Variants in APBB2 observed in about 807,000 individuals in gnomAD.
APBB2 encodes the protein amyloid beta precursor protein binding family B member 2.
A neutral mutation model predicts 82.5 loss-of-function variants in APBB2; 38 were observed. That is an observed-to-expected ratio of 0.46 (90% CI 0.36 to 0.60). The LOEUF (loss-of-function observed/expected upper bound fraction) is 0.60, where lower values mean the gene tolerates loss of function less well. Ranked by LOEUF, APBB2 falls within the 20% of genes least tolerant of loss-of-function variation. The pLI, the probability that APBB2 is intolerant of heterozygous loss-of-function variation, is 0.00. For synonymous variants in APBB2, 341 were observed against 368.2 expected (o/e 0.93, Z 0.85); for missense variants, 772 against 972.3 (o/e 0.79, Z 2.74).
chr4:40,830,280 T>C (rs1577749718), intron 13 of APBB2, among the ~76,000 whole-genome samples, 183 bp downstream of exon 13: 2 of 148,354 alleles, frequency 1.3e-5, no homozygotes, highest in East Asian at 2.0e-4. Context: ...GTAGATGGAG[T>C]GCTACTCAAG....
chr4:40,865,451 AAAAATAAG>A (rs1763828792), intron 12 of APBB2, among the ~76,000 whole-genome samples: 1 of 152,222 alleles, frequency 6.6e-6, no homozygotes, highest in Admixed American at 6.5e-5. Flanking sequence ...GAAGTTCTTT[AAAAATAAG>A]TAAGAATTTT....
At chr4:40,846,859 G>T (rs1210608820) in intron 12 of APBB2, among the ~76,000 whole-genome samples, 1 of 151,968 alleles carries the variant, frequency 6.6e-6, no homozygotes, top group Non-Finnish European at 1.5e-5. Context: ...CAGGAAACGA[G>T]TATTTTTAAA....
intron 6 of APBB2, among the ~76,000 whole-genome samples, chr4:40,991,199 T>A (rs1801996292): frequency 2.3e-5 from 1 of 43,480 alleles, no homozygotes; most frequent in Non-Finnish European, 5.8e-5. Context: ...TTTTTTTTTG[T>A]AGAAATGAGA....
intron 10 of APBB2, among the ~76,000 whole-genome samples, chr4:40,909,366 C>A (rs536003959): frequency 1.4e-4 from 21 of 152,298 alleles, no homozygotes; most frequent in Admixed American, 1.4e-3. Flanking sequence ...CTGCAGGAAA[C>A]CCACTCCAGT....
At chr4:40,819,615 A>AAAAAT (rs891201552) in intron 17 of APBB2, among the ~76,000 whole-genome samples, 4 of 152,150 alleles carry the variant, frequency 2.6e-5, no homozygotes, top group Non-Finnish European at 4.4e-5. Context: ...ATCTCTTAAA[A>AAAAAT]AAAATAAAAT....
intron 12 of APBB2, chr4:40,879,854 G>T: frequency 9.1e-6 from 2 of 220,590 alleles, no homozygotes; most frequent in Non-Finnish European, 1.5e-5. Flanking sequence ...AACACACCCA[G>T]CTGATTTTTG....
At chr4:41,154,850 A>G (rs999448711) in intron 1 of APBB2, among the ~76,000 whole-genome samples, 7 of 152,180 alleles carry the variant, frequency 4.6e-5, no homozygotes, top group Non-Finnish European at 7.3e-5. Context: ...ATCAACATCT[A>G]TGTTTCTCCT....
chr4:40,877,472 T>C, intron 12 of APBB2, among the ~76,000 whole-genome samples: 1 of 152,154 alleles, frequency 6.6e-6, no homozygotes, highest in Non-Finnish European at 1.5e-5. Context: ...GCAGGTCATG[T>C]AGGGGTGGGG....
intron 3 of APBB2, among the ~76,000 whole-genome samples, chr4:41,092,040 T>C (rs1484606087): frequency 6.6e-6 from 1 of 152,224 alleles, no homozygotes; most frequent in African/African-American, 2.4e-5. Flanking sequence ...TAAATTGCCA[T>C]TCTCTTCTAT....
intron 1 of APBB2, among the ~76,000 whole-genome samples, chr4:41,187,344 TAA>T (rs1308443897): frequency 2.6e-5 from 4 of 152,194 alleles, no homozygotes; most frequent in Non-Finnish European, 4.4e-5. Context: ...TGAAAAAAGA[TAA>T]GAGTCTTTTA....
intron 2 of APBB2, among the ~76,000 whole-genome samples, chr4:41,101,731 G>A (rs1023262527): frequency 7.2e-5 from 11 of 151,938 alleles, no homozygotes; most frequent in Admixed American, 2.6e-4. Context: ...AGGCCCAGGC[G>A]GGCGGATCAC....
chr4:41,095,190 C>G (rs1743095250), intron 3 of APBB2, among the ~76,000 whole-genome samples: 1 of 152,162 alleles, frequency 6.6e-6, no homozygotes, highest in African/African-American at 2.4e-5. Context: ...TTTTACCTGC[C>G]AGGGGCTCAG....
At chr4:41,117,486 T>C (rs897188810) in intron 2 of APBB2, among the ~76,000 whole-genome samples, 4 of 151,816 alleles carry the variant, frequency 2.6e-5, no homozygotes, top group Non-Finnish European at 4.4e-5. Context: ...AAAGATGGGG[T>C]TTCACCATCT....
chr4:41,008,037 G>A (rs1807270870), intron 6 of APBB2, among the ~76,000 whole-genome samples: 1 of 152,210 alleles, frequency 6.6e-6, no homozygotes, highest in South Asian at 2.1e-4. Context: ...CTAAACCTCA[G>A]TTGCTTAGAG....
At chr4:41,141,567 T>C (rs977875843) in intron 2 of APBB2, among the ~76,000 whole-genome samples, 13 of 152,178 alleles carry the variant, frequency 8.5e-5, no homozygotes, top group African/African-American at 2.9e-4. Context: ...CTTCAATAGT[T>C]GCAATAAGAA....
intron 15 of APBB2, 119 bp downstream of exon 15, chr4:40,825,768 G>A: frequency 2.6e-6 from 2 of 762,706 alleles, no homozygotes; most frequent in Admixed American, 2.0e-5. Flanking sequence ...CAGTGTGACA[G>A]TTTGATTCAA....
intron 6 of APBB2, among the ~76,000 whole-genome samples, chr4:40,959,204 A>C: frequency 6.6e-6 from 1 of 152,140 alleles, no homozygotes; most frequent in East Asian, 1.9e-4. Context: ...TGTCAACCTA[A>C]TCTTTCAACT....
At chr4:41,154,715 T>A (rs1560898530) in intron 1 of APBB2, among the ~76,000 whole-genome samples, 1 of 152,212 alleles carries the variant, frequency 6.6e-6, no homozygotes, top group African/African-American at 2.4e-5. Context: ...TTAGACATTT[T>A]GGCAGAATTT....
At position 40,982,269 on chromosome 4, in the gene APBB2, AGAAAGAAAGAAAGAAGGAAGGAAG is replaced by A. The variant is rs1560446082; in HGVS notation, c.835+31290_835+31313del. 1.5e-4 allele frequency among the ~76,000 whole-genome samples: 5 copies of A among 33,452 alleles called. 2 individuals are homozygous for A. Among genetic ancestry groups the A allele is most frequent in the African/African-American group, 6.5e-4 (5 of 7,746 alleles). The allele number at this position is 33,452 out of a possible 152,430, so 21.9% of individuals were successfully genotyped here. A position where few individuals can be genotyped will look rare whatever the true frequency, so the allele number is the denominator to read the frequency against. On this transcript the variant is annotated intron_variant, in intron 6 of 17. Coordinates refer to ENST00000508593, the MANE Select transcript of APBB2 (RefSeq NM_004307.2). ...AAGAAAGAAAGAAAGAAAGAAAGAA[AGAAAGAAAGAAAGAAGGAAGGAAG>A]GAAGGAAGGAAGGAAAGAAAGAAAG...
Sources: gnomAD v4.1 joint callset for allele counts (sites outside exome capture counted in the v4.1 genomes callset) on GRCh38, gnomAD v4.1.1 for gene constraint, MANE v1.5 for transcripts, NCBI Gene and HGNC (gene_info 2026-07-23, HGNC 2026-07-21) for gene names.